Variants in CPPED1 observed in about 807,000 individuals in gnomAD.
CPPED1 encodes the protein calcineurin like phosphoesterase domain containing 1, also known as serine/threonine-protein phosphatase CPPED1.
Under a neutral mutation model 28.0 loss-of-function variants are expected in CPPED1, and 28 were observed. The observed-to-expected ratio is 1.00, with a 90% CI of 0.74 to 1.37. The LOEUF is 1.37. Ranked by LOEUF, CPPED1 falls within the 40% of genes most tolerant of loss-of-function variation. The pLI, the probability that CPPED1 is intolerant of heterozygous loss-of-function variation, is 0.00. For missense variants in CPPED1, 504 were observed against 416.5 expected (o/e 1.21, Z -1.83); for synonymous variants, 198 against 180.2 (o/e 1.10, Z -0.79).
chr16:12,712,222 G>A (rs1375823084), intron 2 of CPPED1, among the ~76,000 whole-genome samples: 1 of 152,114 alleles, frequency 6.6e-6, no homozygotes, highest in Non-Finnish European at 1.5e-5. Context: ...AATTTCCAGA[G>A]ACAGCCCTAA....
chr16:12,745,126 T>C (rs1394939676), intron 2 of CPPED1, among the ~76,000 whole-genome samples: 6 of 152,086 alleles, frequency 3.9e-5, no homozygotes, highest in East Asian at 3.9e-4. Context: ...CAGTGAGCTG[T>C]GGGACAACTT....
chr16:12,754,051 C>G (rs1396332698), intron 2 of CPPED1: 1 of 152,168 alleles, frequency 6.6e-6, no homozygotes, highest in Non-Finnish European at 1.5e-5. Flanking sequence ...CTCTGAGGCT[C>G]TGCACGCAGA....
At chr16:12,788,066 A>T (rs145781674) in intron 1 of CPPED1, among the ~76,000 whole-genome samples, 2 of 152,346 alleles carry the variant, frequency 1.3e-5, no homozygotes, top group African/African-American at 4.8e-5. Context: ...GTTCCTTGCC[A>T]TATGGGCCTC....
intron 1 of CPPED1, among the ~76,000 whole-genome samples, chr16:12,788,609 C>A (rs1436781694): frequency 6.6e-6 from 1 of 152,070 alleles, no homozygotes; most frequent in Non-Finnish European, 1.5e-5. Context: ...CTTAGGCATG[C>A]CTCAAGTTCA....
intron 2 of CPPED1, among the ~76,000 whole-genome samples, chr16:12,764,268 ATC>A (rs914141600): frequency 1.1e-4 from 17 of 151,286 alleles, no homozygotes; most frequent in African/African-American, 4.1e-4. Context: ...CAGTGGTGCG[ATC>A]TCAGCTTACT....
intron 2 of CPPED1, among the ~76,000 whole-genome samples, chr16:12,748,866 G>A (rs1316571909): frequency 7.3e-6 from 1 of 136,640 alleles, no homozygotes; most frequent in Non-Finnish European, 1.5e-5. Context: ...CTGGACAACA[G>A]AGCGAGACTC....
chr16:12,780,921 G>T, intron 2 of CPPED1: 1 of 475,568 alleles, frequency 2.1e-6, no homozygotes, highest in Non-Finnish European at 3.8e-6. Context: ...GGTGATGTGT[G>T]GGAATCTGTT....
intron 2 of CPPED1, among the ~76,000 whole-genome samples, chr16:12,771,187 A>G (rs2080468644): frequency 6.6e-6 from 1 of 152,198 alleles, no homozygotes; most frequent in Non-Finnish European, 1.5e-5. Context: ...TATATTCCTT[A>G]TTTCTAAGTG....
chr16:12,763,764 C>T (rs1449489679), intron 2 of CPPED1, among the ~76,000 whole-genome samples: 2 of 152,172 alleles, frequency 1.3e-5, no homozygotes, highest in Admixed American at 1.3e-4. Context: ...TGTACACAAA[C>T]GTATGGACTC....
Position 12,704,893 on chromosome 16 carries a change from T to G in CPPED1, c.446A>C (p.Asp149Ala), listed in dbSNP as rs1430784711. The change falls in exon 3 of 4, where the codon GAC (aspartate) becomes GCC (alanine). Residue 149 changes from aspartate to alanine, a missense_variant. Coordinates refer to ENST00000381774, the MANE Select transcript of CPPED1 (RefSeq NM_018340.3). ...GCCCCCGACCCAGAAGCTGAAGTAG[T>G]CATCTCCCCAAGTCCGGCAGAACTC... ...VEEFCRTWGD[D>A]YFSFWVGGVL... The G allele has an allele frequency of 6.2e-7, 1 of 1,614,116 alleles. No homozygotes were observed. Among genetic ancestry groups the G allele is most frequent in the Non-Finnish European group, 8.5e-7 (1 of 1,180,026 alleles).
chr16:12,739,548 T>G (rs1363574306), intron 2 of CPPED1, among the ~76,000 whole-genome samples: 1 of 151,994 alleles, frequency 6.6e-6, no homozygotes, highest in Non-Finnish European at 1.5e-5. Flanking sequence ...ACCATTGCCC[T>G]CCAGTCTGGA....
chr16:12,785,123 T>A (rs903790865), intron 1 of CPPED1, among the ~76,000 whole-genome samples: 9 of 152,238 alleles, frequency 5.9e-5, no homozygotes, highest in Non-Finnish European at 5.9e-5. Context: ...AATTTCTTTT[T>A]ATCAAGACTG....
intron 3 of CPPED1, among the ~76,000 whole-genome samples, chr16:12,696,008 T>C (rs1214403295): frequency 1.3e-5 from 2 of 152,226 alleles, no homozygotes; most frequent in African/African-American, 4.8e-5. Flanking sequence ...TACCATCCTT[T>C]TAAACCAGTA....
intron 3 of CPPED1, among the ~76,000 whole-genome samples, chr16:12,674,245 G>T (rs1404123519): frequency 6.6e-6 from 1 of 152,168 alleles, no homozygotes; most frequent in African/African-American, 2.4e-5. Context: ...GGCAGGGGAC[G>T]AAAGTCTGTC....
chr16:12,695,474 T>C (rs895589556), intron 3 of CPPED1, among the ~76,000 whole-genome samples: 1 of 152,242 alleles, frequency 6.6e-6, no homozygotes, highest in South Asian at 2.1e-4. Flanking sequence ...TCTCACTATG[T>C]TGCCTGGGCT....
intron 1 of CPPED1, among the ~76,000 whole-genome samples, chr16:12,789,184 G>A (rs2080581477): frequency 6.6e-6 from 1 of 152,134 alleles, no homozygotes; most frequent in Non-Finnish European, 1.5e-5. Flanking sequence ...CAGTGGTTGT[G>A]CCTTCACATG....
At position 12,727,038 on chromosome 16, in the gene CPPED1, A is replaced by C. The variant is rs150288345; in HGVS notation, c.290-21989T>G. On this transcript the variant is annotated intron_variant, in intron 2 of 3. Coordinates refer to ENST00000381774, the MANE Select transcript of CPPED1 (RefSeq NM_018340.3). Reference sequence around the variant, plus strand: ...CATTTCTAAGGACCATCCTCACAGCACCTGTCAAGGAACCGTTGACTAAGT... The same window carrying C: ...CATTTCTAAGGACCATCCTCACAGCCCCTGTCAAGGAACCGTTGACTAAGT... 9.7e-4 allele frequency among the ~76,000 whole-genome samples: 147 copies of C among 152,166 alleles called. 1 individual carries two copies. The highest frequency in any genetic ancestry group is 3.4e-3 in the African/African-American group (142 of 41,514).
intron 3 of CPPED1, among the ~76,000 whole-genome samples, chr16:12,688,711 T>C (rs541128614): frequency 6.6e-5 from 10 of 152,358 alleles, no homozygotes; most frequent in African/African-American, 2.4e-4. Flanking sequence ...TCTGAGCTTC[T>C]TGAGGGCAGG....
chr16:12,699,398 C>A (rs1485114835), intron 3 of CPPED1, among the ~76,000 whole-genome samples: 2 of 152,004 alleles, frequency 1.3e-5, no homozygotes, highest in Non-Finnish European at 2.9e-5. Flanking sequence ...GGGAAACCTG[C>A]ACTTGGAGGC....
Sources: gnomAD v4.1 joint callset for allele counts (sites outside exome capture counted in the v4.1 genomes callset) on GRCh38, gnomAD v4.1.1 for gene constraint, MANE v1.5 for transcripts, NCBI Gene and HGNC (gene_info 2026-07-23, HGNC 2026-07-21) for gene names.